The following CPNE8 variants were observed in gnomAD, a reference collection of about 807,000 sequenced individuals.
CPNE8 encodes the protein copine-8.
CPNE8 carries 45 observed loss-of-function variants against 81.5 expected under a neutral mutation model. The observed-to-expected ratio is 0.55, with a 90% confidence interval of 0.44 to 0.71. The LOEUF is 0.71. CPNE8 is among the 30% of genes least tolerant of loss of function. The probability of loss-of-function intolerance (pLI) is 0.00; values close to 1 mark genes in which losing one functional copy is unlikely to be tolerated. For synonymous variants in CPNE8, 252 were observed against 226.3 expected (o/e 1.11, Z -1.02); for missense variants, 594 against 672.1 (o/e 0.88, Z 1.28).
chr12:38,671,555 ATAAT>A (rs1440170757), intron 18 of CPNE8, among the ~76,000 whole-genome samples: 1 of 152,168 alleles, frequency 6.6e-6, no homozygotes, highest in Non-Finnish European at 1.5e-5. Context: ...AATTCTCTAA[ATAAT>A]TAATTACATG....
At chr12:38,745,239 T>A (rs891670776) in intron 10 of CPNE8, among the ~76,000 whole-genome samples, 15 of 152,222 alleles carry the variant, frequency 9.9e-5, no homozygotes, top group African/African-American at 2.9e-4. Flanking sequence ...CCTTTTTTGA[T>A]TCCTACACTC....
intron 6 of CPNE8, among the ~76,000 whole-genome samples, chr12:38,818,885 G>A (rs1943068793): frequency 6.6e-6 from 1 of 152,182 alleles, no homozygotes; most frequent in Admixed American, 6.5e-5. Flanking sequence ...AATGACCAGT[G>A]TTGATGAGCT....
In CPNE8 at chr12:38,873,019, A is replaced by G; in HGVS notation, c.171T>C (p.Asn57=). The change falls in exon 3 of 20, where the codon AAT becomes AAC. Residue 57 remains asparagine (N), a synonymous_variant. Transcript: ENST00000331366. ...ICVLYVQGVG[N]KEWREFGRTE... ...TTAAACTTACCTCTCTCCATTCTTTATTTCCAACTCCTTGTACATATAAGA... is the reference window on the plus strand; with the variant it reads ...TTAAACTTACCTCTCTCCATTCTTTGTTTCCAACTCCTTGTACATATAAGA... 2.6e-6 allele frequency: 4 copies of G among 1,551,868 alleles called. No individual in the cohort carries two copies. Among genetic ancestry groups the G allele is most frequent in the Non-Finnish European group, 1.8e-6 (2 of 1,127,484 alleles).
At chr12:38,755,502 T>C (rs184889084) in intron 10 of CPNE8, among the ~76,000 whole-genome samples, 137 of 152,250 alleles carry the variant, frequency 9.0e-4, no homozygotes, top group African/African-American at 3.0e-3. Flanking sequence ...CCGCTACTGA[T>C]TGCTTTTCAA....
At chr12:38,843,716 G>A (rs1246340664) in intron 4 of CPNE8, among the ~76,000 whole-genome samples, 1 of 152,034 alleles carries the variant, frequency 6.6e-6, no homozygotes. Context: ...GACAAGCAAA[G>A]TACTTAAAAT....
intron 19 of CPNE8, among the ~76,000 whole-genome samples, chr12:38,654,298 C>T (rs1186819180): frequency 1.3e-5 from 2 of 151,848 alleles, no homozygotes; most frequent in African/African-American, 2.4e-5. Context: ...GGTGGATTAC[C>T]TGAGGTCAGG....
chr12:38,737,411 A>C (rs990115861), intron 10 of CPNE8, among the ~76,000 whole-genome samples: 1 of 152,174 alleles, frequency 6.6e-6, no homozygotes, highest in Non-Finnish European at 1.5e-5. Flanking sequence ...TTTGCAGTTC[A>C]AAAAATTTTA....
chr12:38,852,994 A>C (rs1943670646), intron 3 of CPNE8, among the ~76,000 whole-genome samples: 1 of 152,206 alleles, frequency 6.6e-6, no homozygotes, highest in Admixed American at 6.5e-5. Context: ...TCAGAAACAA[A>C]AAACTTTCAG....
intron 1 of CPNE8, among the ~76,000 whole-genome samples, chr12:38,895,901 T>G (rs572406849): frequency 1.4e-4 from 21 of 152,220 alleles, no homozygotes; most frequent in Admixed American, 1.4e-3. Flanking sequence ...GGAACTCAAC[T>G]TTGCCACTTA....
At chr12:38,751,242 T>C (rs1424266563) in intron 10 of CPNE8, among the ~76,000 whole-genome samples, 3 of 152,318 alleles carry the variant, frequency 2.0e-5, no homozygotes, top group African/African-American at 7.2e-5. Context: ...AACAGACTAA[T>C]ACAGTAAATT....
intron 16 of CPNE8, among the ~76,000 whole-genome samples, chr12:38,681,382 A>T (rs1939406170): frequency 6.6e-6 from 1 of 151,756 alleles, no homozygotes; most frequent in Non-Finnish European, 1.5e-5. Context: ...TAAGATTTAA[A>T]CATAGTATTT....
At chr12:38,762,067 T>G (rs774523838) in intron 9 of CPNE8, 45 bp downstream of exon 9, 1 of 1,021,760 alleles carries the variant, frequency 9.8e-7, no homozygotes, top group South Asian at 2.5e-5. Context: ...CTGTAGATTT[T>G]TTTAAAAGTT....
intron 12 of CPNE8, among the ~76,000 whole-genome samples, 163 bp downstream of exon 12, chr12:38,724,683 C>T (rs796594671): frequency 6.6e-5 from 10 of 152,226 alleles, no homozygotes; most frequent in African/African-American, 2.4e-4. Context: ...TACAATCTGT[C>T]CCCTGAGAAG....
At chr12:38,798,743 C>T (rs1942571449) in intron 6 of CPNE8, among the ~76,000 whole-genome samples, 1 of 152,102 alleles carries the variant, frequency 6.6e-6, no homozygotes, top group Non-Finnish European at 1.5e-5. Flanking sequence ...AATTGAAAGA[C>T]ACAGACTGGC....
In CPNE8 at chr12:38,823,073, C is replaced by T. The variant is rs190810123; in HGVS notation, c.407+6306G>A. 2.0e-5 allele frequency among the ~76,000 whole-genome samples: 3 copies of T among 152,248 alleles called. No homozygotes were observed. In the East Asian group the frequency reaches 5.8e-4, roughly 29 times the overall value. On this transcript the variant is annotated intron_variant, in intron 6 of 19. Transcript: ENST00000331366. ...TATCCCTCTTCCTCCTCTTCCTTCT[C>T]ACAGACATTTGATCTCTAAGTGCAT...
At chr12:38,881,188 G>A (rs560106183) in intron 1 of CPNE8, among the ~76,000 whole-genome samples, 4 of 148,696 alleles carry the variant, frequency 2.7e-5, no homozygotes, top group Non-Finnish European at 4.4e-5. Context: ...CCAGCCTGGC[G>A]GACACAGCGA....
At chr12:38,739,899 A>G (rs1175721344) in intron 10 of CPNE8, among the ~76,000 whole-genome samples, 2 of 152,162 alleles carry the variant, frequency 1.3e-5, no homozygotes, top group Non-Finnish European at 2.9e-5. Flanking sequence ...TCTAAAGTAG[A>G]TAAGATAAGG....
chr12:38,791,765 C>T (rs1942328886), intron 6 of CPNE8, among the ~76,000 whole-genome samples: 2 of 151,524 alleles, frequency 1.3e-5, no homozygotes, highest in Admixed American at 6.6e-5. Context: ...ATATGTCACT[C>T]AATAACAATG....
intron 6 of CPNE8, among the ~76,000 whole-genome samples, chr12:38,787,941 G>A (rs1384504641): frequency 7.3e-6 from 1 of 136,760 alleles, no homozygotes; most frequent in Non-Finnish European, 1.6e-5. Context: ...AGGAAAGTAA[G>A]GAGACTGAAG....
Sources: gnomAD v4.1 joint callset for allele counts (sites outside exome capture counted in the v4.1 genomes callset) on GRCh38, gnomAD v4.1.1 for gene constraint, MANE v1.5 for transcripts, NCBI Gene and HGNC (gene_info 2026-07-23, HGNC 2026-07-21) for gene names.